Variants in TDRD9 observed in about 807,000 individuals in gnomAD.
TDRD9 encodes tudor domain containing 9, also known as ATP-dependent RNA helicase TDRD9.
TDRD9 carries 124 observed loss-of-function variants against 172.6 expected under a neutral mutation model. The observed-to-expected ratio is 0.72, with a 90% CI of 0.62 to 0.83. The LOEUF is 0.83. Ranked by LOEUF, TDRD9 falls within the 40% of genes least tolerant of loss-of-function variation. TDRD9 has a pLI of 0.00. For missense variants in TDRD9, 1,479 were observed against 1,714.1 expected (o/e 0.86, Z 2.42); for synonymous variants, 619 against 617.1 (o/e 1.00, Z -0.05).
At chr14:103,928,849 C>A in intron 1 of TDRD9, 125 bp downstream of exon 1, 1 of 296,048 alleles carries the variant, frequency 3.4e-6, no homozygotes, top group East Asian at 6.0e-5. Context: ...GGACCCCTGA[C>A]CGTCCAGGGC....
At chr14:103,940,465 T>G in intron 1 of TDRD9, 1 of 190,164 alleles carries the variant, frequency 5.3e-6, no homozygotes. Context: ...TGTAGCTTCA[T>G]TGTAGAATAA....
chr14:104,014,672 C>A, intron 20 of TDRD9, 53 bp from the exon 21 acceptor site: 1 of 1,021,970 alleles, frequency 9.8e-7, no homozygotes, highest in Admixed American at 1.7e-5. Flanking sequence ...GTTTTCACTG[C>A]TCTGATGACA....
intron 1 of TDRD9, among the ~76,000 whole-genome samples, chr14:103,929,645 G>A (rs979879166): frequency 2.6e-5 from 4 of 151,534 alleles, no homozygotes; most frequent in Non-Finnish European, 4.4e-5. Context: ...TCAGCCTCCC[G>A]AGTAGCTGAG....
intron 29 of TDRD9, among the ~76,000 whole-genome samples, chr14:104,031,675 C>T (rs2035288096): frequency 6.6e-6 from 1 of 151,958 alleles, no homozygotes; most frequent in East Asian, 1.9e-4. Flanking sequence ...TTTCCCCAGC[C>T]TCTGGTTGTG....
intron 32 of TDRD9, among the ~76,000 whole-genome samples, chr14:104,037,291 G>T (rs4906408): frequency 0.33 from 50,293 of 151,984 alleles, 8,491 homozygotes; most frequent in Middle Eastern, 0.37. Context: ...GCCCATGCCC[G>T]TTTGCTTCCT....
intron 22 of TDRD9, among the ~76,000 whole-genome samples, chr14:104,017,593 T>C (rs1403927882): frequency 6.6e-6 from 1 of 152,240 alleles, no homozygotes; most frequent in Non-Finnish European, 1.5e-5. Flanking sequence ...GAAGAAAGTA[T>C]GGAGTGCTTT....
intron 1 of TDRD9, among the ~76,000 whole-genome samples, chr14:103,953,822 T>A (rs981299794): frequency 2.6e-5 from 4 of 152,288 alleles, no homozygotes; most frequent in Non-Finnish European, 5.9e-5. Flanking sequence ...TTATCCTTTT[T>A]GTTCTGCCCG....
In TDRD9 at chr14:104,025,585, TG is replaced by T. The variant is rs1055221251; in HGVS notation, c.2744del (p.Gly915AspfsTer12). ...VTEVVEVGHF[W>X]GYRIDENNSE... ...TTAGGTGGTTGAAGTGGGACACTTT[TG>T]GGGATACAGGATTGATGAAAACAAC... On this transcript the variant is annotated frameshift_variant, in exon 26 of 36. Transcript: ENST00000409874. LOFTEE classifies it high-confidence loss of function. The T allele has an allele frequency of 6.2e-7, 1 of 1,613,862 alleles. No homozygotes were observed. Among genetic ancestry groups the T allele is most frequent in the Non-Finnish European group, 8.5e-7 (1 of 1,179,884 alleles).
intron 19 of TDRD9, 116 bp from the exon 20 acceptor site, chr14:104,008,297 A>G: frequency 1.5e-6 from 1 of 650,774 alleles, no homozygotes; most frequent in Non-Finnish European, 2.7e-6. Context: ...CAACTTGAGT[A>G]GCTCAGTAAT....
At position 104,022,242 on chromosome 14, in the gene TDRD9, A is replaced by C. The variant is rs770381509; in HGVS notation, c.2518A>C (p.Lys840Gln). 26 of 1,611,118 alleles carry C rather than the reference A, an allele frequency of 1.6e-5. No homozygotes were observed. The highest frequency in any genetic ancestry group is 1.6e-4 in the Middle Eastern group (1 of 6,082). The change falls in exon 24 of 36, where the codon AAA becomes CAA. Residue 840 changes from lysine to glutamine, a missense_variant. Around this residue, in one of 3 missense-constraint regions of TDRD9, gnomAD observed 1,413 missense variants for 1,649.1 expected, o/e 0.86. Coordinates refer to ENST00000409874, the MANE Select transcript of TDRD9 (RefSeq NM_153046.3). ...TATGGCAATTAAGATGTCTCAACTA[A>C]AAGTTTCACTTGAACTCAGCGTTCA... ...VYMAIKMSQLKVSLELSVHSA... is the reference protein window; with the variant it reads ...VYMAIKMSQLQVSLELSVHSA...
At chr14:103,937,356 C>T (rs1595890765) in intron 1 of TDRD9, among the ~76,000 whole-genome samples, 1 of 152,320 alleles carries the variant, frequency 6.6e-6, no homozygotes, top group Admixed American at 6.5e-5. Flanking sequence ...CTTCTGTATT[C>T]AGTGCTTCCC....
chr14:103,952,492 C>T (rs1291830324), intron 1 of TDRD9, among the ~76,000 whole-genome samples: 9 of 150,440 alleles, frequency 6.0e-5, no homozygotes, highest in Admixed American at 1.3e-4. Context: ...CCGCCCACCT[C>T]GGCCTCCCAA....
intron 14 of TDRD9, 24 bp from the exon 15 acceptor site, chr14:104,005,250 A>T: frequency 4.3e-6 from 7 of 1,612,790 alleles, no homozygotes; most frequent in Non-Finnish European, 5.9e-6. Flanking sequence ...TATTATTTCT[A>T]ATCTCAGGCT....
chr14:103,946,676 G>A (rs1020028716), intron 1 of TDRD9, among the ~76,000 whole-genome samples: 2 of 152,154 alleles, frequency 1.3e-5, no homozygotes, highest in Non-Finnish European at 2.9e-5. Flanking sequence ...AAACCTGTCA[G>A]AACTAATAAT....
chr14:103,960,544 A>G (rs1039948221), intron 2 of TDRD9, among the ~76,000 whole-genome samples: 1 of 152,138 alleles, frequency 6.6e-6, no homozygotes, highest in African/African-American at 2.4e-5. Context: ...GCCTTAAATT[A>G]TCCGTGATGG....
At chr14:103,976,062 C>G (rs1195354705) in intron 7 of TDRD9, among the ~76,000 whole-genome samples, 1 of 152,148 alleles carries the variant, frequency 6.6e-6, no homozygotes, top group African/African-American at 2.4e-5. Context: ...CCTCTAGTAA[C>G]TTCTTTTCTA....
Position 104,006,497 on chromosome 14 carries a change from G to A in TDRD9, c.1822G>A (p.Gly608Ser). ...CCAACTTCCTGTAAATCAGCAACTT[G>A]GTAAACTCATAGTCCTTGGACATGT... ...LAQLPVNQQL[G>S]KLIVLGHVFG... is the part of the protein sequence containing the mutation. The change falls in exon 16 of 36, where the codon GGT (glycine) becomes AGT (serine). Residue 608 changes from glycine to serine, a missense_variant. By Grantham distance (56) the Gly-to-Ser change is moderately conservative (BLOSUM62 0). Transcript: ENST00000409874. 1 of 1,613,856 alleles carries A rather than the reference G, an allele frequency of 6.2e-7. No homozygotes were observed. Among genetic ancestry groups the A allele is most frequent in the Non-Finnish European group, 8.5e-7 (1 of 1,179,790 alleles).
intron 5 of TDRD9, among the ~76,000 whole-genome samples, chr14:103,968,790 T>C (rs1276893339): frequency 8.9e-3 from 7 of 784 alleles, no homozygotes; most frequent in East Asian, 0.17. Flanking sequence ...AGTGAGACTC[T>C]GTCTCAAAAA....
rs894544335 is a variant in TDRD9 at position 104,052,207 on chromosome 14, A to G, written c.*125A>G. 1.4e-5 allele frequency: 8 copies of G among 576,648 alleles called. No individual in the cohort carries two copies. Among genetic ancestry groups the G allele is most frequent in the Admixed American group, 6.7e-5 (2 of 29,704 alleles). The allele number at this position is 576,648 out of a possible 1,614,324, so 35.7% of individuals were successfully genotyped here. On this transcript the variant is annotated 3_prime_UTR_variant, in exon 36 of 36. Coordinates refer to ENST00000409874, the MANE Select transcript of TDRD9 (RefSeq NM_153046.3). ...ACAGTCTGTGCCCACTGCATCCTAA[A>G]GGCCTTTTCTTTCTTCTTTTCTCTT...
Sources: allele counts gnomAD v4.1 joint callset (sites outside exome capture counted in the v4.1 genomes callset), GRCh38; gene constraint gnomAD v4.1.1; regional missense constraint gnomAD v4.1.1; transcripts MANE v1.5; gene names NCBI Gene and HGNC (gene_info 2026-07-23, HGNC 2026-07-21).